Variants in MAD1L1 observed in about 807,000 individuals in gnomAD.
MAD1L1 encodes mitotic arrest deficient 1 like 1, also known as mitotic spindle assembly checkpoint protein MAD1.
In MAD1L1, 95 loss-of-function variants were observed where a neutral mutation model predicts 96.9. That is an observed-to-expected ratio of 0.98 (90% confidence interval 0.83 to 1.16). The LOEUF (loss-of-function observed/expected upper bound fraction) is 1.16, where lower values mean the gene tolerates loss of function less well. MAD1L1 is among the 50% of genes most tolerant of loss of function. The probability of loss-of-function intolerance (pLI) is 0.00; values close to 1 mark genes in which losing one functional copy is unlikely to be tolerated. For missense variants in MAD1L1, 1,007 were observed against 954.4 expected (o/e 1.06, Z -0.73); for synonymous variants, 473 against 396.6 (o/e 1.19, Z -2.29).
rs576722794 is a variant in MAD1L1, at chr7:1,960,484, A to C, written c.1506-2765T>G. 2.0e-5 allele frequency among the ~76,000 whole-genome samples: 3 copies of C among 152,328 alleles called. No individual in the cohort carries two copies. The East Asian group carries it at 5.8e-4, about 29-fold the overall frequency. On this transcript the variant is annotated intron_variant, in intron 15 of 18. Coordinates refer to ENST00000265854, the MANE Select transcript of MAD1L1 (RefSeq NM_001013836.2). Reference sequence around the variant, plus strand: ...AGACATAACATGCCATCACTAAGAAAACCAGCAAGAGAAAGCCAGAGACGC... The same window carrying C: ...AGACATAACATGCCATCACTAAGAACACCAGCAAGAGAAAGCCAGAGACGC...
At chr7:2,104,985 C>G (rs573596714) in intron 11 of MAD1L1, among the ~76,000 whole-genome samples, 1 of 152,256 alleles carries the variant, frequency 6.6e-6, no homozygotes, top group African/African-American at 2.4e-5. Flanking sequence ...GAACTACGCA[C>G]AGCCCGCCTG....
chr7:1,915,594 C>A (rs752639477), intron 17 of MAD1L1, among the ~76,000 whole-genome samples: 3 of 152,216 alleles, frequency 2.0e-5, no homozygotes, highest in South Asian at 2.1e-4. Flanking sequence ...GACCGATGGT[C>A]GGCTGCGTGG....
intron 10 of MAD1L1, among the ~76,000 whole-genome samples, 195 bp from the exon 11 acceptor site, chr7:2,149,433 T>C (rs1326203487): frequency 6.6e-6 from 1 of 152,128 alleles, no homozygotes; most frequent in African/African-American, 2.4e-5. Flanking sequence ...CCCACCCCTA[T>C]GCAACACCGG....
chr7:2,221,433 C>A (rs1373377607), intron 5 of MAD1L1, among the ~76,000 whole-genome samples: 1 of 152,092 alleles, frequency 6.6e-6, no homozygotes, highest in South Asian at 2.1e-4. Flanking sequence ...CTCCCCAGCA[C>A]GGCCACAGGA....
chr7:2,047,906 G>T (rs1783998464), intron 12 of MAD1L1, among the ~76,000 whole-genome samples: 1 of 152,080 alleles, frequency 6.6e-6, no homozygotes, highest in African/African-American at 2.4e-5. Context: ...GCACACTCAT[G>T]CTCAATGCAC....
chr7:2,069,328 G>A lies in MAD1L1; in HGVS notation c.1084C>T (p.Leu362=), dbSNP rs367987394. ...NSAVTSSARG[L]EKARQQLQEE... is the part of the protein sequence containing the mutation. ...TGCAGCTGCTGCCTGGCCTTCTCCA[G>A]CCCCCGGGCGCTGCATGGGAGAGAC... is the stretch of plus-strand genomic sequence containing the variant. Residue 362 remains leucine (L), a synonymous_variant, in exon 12 of 19, where the codon CTG becomes TTG. Transcript: ENST00000265854. 3.8e-6 allele frequency: 6 copies of A among 1,597,844 alleles called. No individual in the cohort carries two copies. In the African/African-American group the frequency reaches 6.7e-5, roughly 18 times the overall value.
intron 14 of MAD1L1, among the ~76,000 whole-genome samples, chr7:1,996,224 G>A (rs1182436212): frequency 1.4e-4 from 20 of 143,802 alleles, no homozygotes; most frequent in African/African-American, 2.1e-4. Context: ...GCTCCTGGGC[G>A]GGCAGGGTCC....
Position 1,968,668 on chromosome 7 carries a change from G to T in MAD1L1, c.1506-10949C>A, listed in dbSNP as rs1340845541. Among the ~76,000 whole-genome samples, 1 of 152,226 alleles carries T rather than the reference G, an allele frequency of 6.6e-6. No homozygotes were observed. Among genetic ancestry groups the T allele is most frequent in the Non-Finnish European group, 1.5e-5 (1 of 68,040 alleles). On this transcript the variant is annotated intron_variant, in intron 15 of 18. Coordinates refer to ENST00000265854, the MANE Select transcript of MAD1L1 (RefSeq NM_001013836.2). This position sits in a 1 kb window ranked among gnomAD's most constrained non-coding sequence, Gnocchi z 5.6. ...ACCTGCTGTTGCGTGGATGTCAGGG[G>T]CTCCCTGATGGGACGTGGTGAGAAA...
intron 1 of MAD1L1, among the ~76,000 whole-genome samples, chr7:2,232,086 C>T (rs576770156): frequency 1.3e-5 from 2 of 152,210 alleles, no homozygotes; most frequent in African/African-American, 2.4e-5. Context: ...TGAAGACAAA[C>T]CGCAGTAAAG....
rs1433141701 is a variant in MAD1L1, at chr7:2,177,949, G to C, written c.987-28711C>G. Among the ~76,000 whole-genome samples the C allele has an allele frequency of 3.3e-5, 5 of 151,902 alleles. 1 individual carries two copies. In the South Asian group the frequency reaches 8.3e-4, roughly 25 times the overall value. On this transcript the variant is annotated intron_variant, in intron 10 of 18. Transcript: ENST00000265854. The stretch of plus-strand genomic sequence containing the variant: ...CTTACACCACTTTCAAACACACCAG[G>C]AGGTTAAGTCCACATTTCCAAATTC...
At chr7:2,027,466 C>G (rs1249538256) in intron 12 of MAD1L1, among the ~76,000 whole-genome samples, 5 of 152,212 alleles carry the variant, frequency 3.3e-5, no homozygotes, top group Non-Finnish European at 7.3e-5. Context: ...AACGTACTGG[C>G]AAACCAAATA....
chr7:2,197,946 C>A (rs1235979048), intron 10 of MAD1L1, among the ~76,000 whole-genome samples: 1 of 152,106 alleles, frequency 6.6e-6, no homozygotes, highest in Non-Finnish European at 1.5e-5. Context: ...TGTGACTGAC[C>A]CCATCTCCCT....
intron 10 of MAD1L1, among the ~76,000 whole-genome samples, chr7:2,212,324 T>A (rs1157774598): frequency 6.6e-6 from 1 of 152,214 alleles, no homozygotes; most frequent in Admixed American, 6.5e-5. Context: ...TGGCACAGAC[T>A]GCGTGAAGAG....
intron 12 of MAD1L1, among the ~76,000 whole-genome samples, chr7:2,016,589 C>T (rs1782551364): frequency 6.6e-6 from 1 of 152,240 alleles, no homozygotes; most frequent in Admixed American, 6.5e-5. Context: ...CTATCCCCCA[C>T]AGGCGAGGAG....
intron 18 of MAD1L1, among the ~76,000 whole-genome samples, chr7:1,882,878 C>T (rs1785773168): frequency 6.6e-6 from 1 of 152,166 alleles, no homozygotes; most frequent in African/African-American, 2.4e-5. Flanking sequence ...ATGTAGAGAA[C>T]TGAAGTCTTG....
intron 14 of MAD1L1, among the ~76,000 whole-genome samples, chr7:2,001,240 C>T (rs965496798): frequency 2.0e-5 from 3 of 152,274 alleles, no homozygotes; most frequent in Non-Finnish European, 2.9e-5. Flanking sequence ...CTGCCTGTGA[C>T]CCAGGCCAGC....
At chr7:2,222,810 G>A in intron 4 of MAD1L1, 56 bp from the exon 5 acceptor site, 2 of 1,412,248 alleles carry the variant, frequency 1.4e-6, no homozygotes, top group Non-Finnish European at 1.9e-6. Context: ...GGTCAGCGGG[G>A]AGCCCTCACC....
At chr7:2,199,211 G>A (rs191626064) in intron 10 of MAD1L1, among the ~76,000 whole-genome samples, 5 of 152,378 alleles carry the variant, frequency 3.3e-5, no homozygotes, top group East Asian at 1.9e-4. Flanking sequence ...GATCAAAAAC[G>A]GTCTCACTGC....
At chr7:1,838,768 A>G (rs1243782029) in intron 18 of MAD1L1, 1 of 471,136 alleles carries the variant, frequency 2.1e-6, no homozygotes, top group Non-Finnish European at 4.4e-6. Context: ...TGTAGATGAC[A>G]TCTCAATCAA....
Sources: gnomAD v4.1 joint callset for allele counts (sites outside exome capture counted in the v4.1 genomes callset) on GRCh38, gnomAD v4.1.1 for gene constraint, Gnocchi (gnomAD v3.1) non-coding constraint, MANE v1.5 for transcripts, NCBI Gene and HGNC (gene_info 2026-07-23, HGNC 2026-07-21) for gene names.